Variants in XRN1 observed in about 807,000 individuals in gnomAD.
XRN1 encodes the protein strand-exchange protein 1 homolog.
A neutral mutation model predicts 222.3 loss-of-function variants in XRN1; 67 were observed. The ratio of observed to expected loss-of-function variants is 0.30; its 90% CI spans 0.25 to 0.37. XRN1 has a LOEUF of 0.37. Among genes scored for constraint, XRN1 ranks in the 10% least tolerant of loss-of-function variants. The pLI, the probability that XRN1 is intolerant of heterozygous loss-of-function variation, is 1.00. For missense variants in XRN1, 1,707 were observed against 2,000.2 expected, an observed-to-expected ratio of 0.85 and a Z score of 2.80; for synonymous variants, 643 against 652.4, an observed-to-expected ratio of 0.99 and a Z score of 0.22.
intron 25 of XRN1, 71 bp downstream of exon 25, chr3:142,375,727 T>C (rs2067122560): frequency 6.4e-6 from 9 of 1,416,562 alleles, no homozygotes; most frequent in Admixed American, 2.7e-5. Context: ...AAAACTAATA[T>C]CAGGAAGGCA....
intron 10 of XRN1, among the ~76,000 whole-genome samples, chr3:142,419,569 G>C (rs1432978699): frequency 6.6e-6 from 1 of 152,180 alleles, no homozygotes; most frequent in Non-Finnish European, 1.5e-5. Flanking sequence ...CAGGACTTAA[G>C]GGAGGCCAAG....
At chr3:142,330,566 GT>G (rs1167823214) in intron 36 of XRN1, among the ~76,000 whole-genome samples, 1 of 150,712 alleles carries the variant, frequency 6.6e-6, no homozygotes, top group Non-Finnish European at 1.5e-5. Flanking sequence ...TTCTGAGCTA[GT>G]GACCCTAAGA....
intron 1 of XRN1, among the ~76,000 whole-genome samples, chr3:142,444,172 C>T (rs1027116965): frequency 1.3e-5 from 2 of 152,146 alleles, no homozygotes; most frequent in East Asian, 1.9e-4. Flanking sequence ...AGTCTGGGCA[C>T]GGGGGCTCAC....
intron 15 of XRN1, among the ~76,000 whole-genome samples, chr3:142,410,052 G>A (rs1290111173): frequency 6.6e-6 from 1 of 152,094 alleles, no homozygotes; most frequent in Non-Finnish European, 1.5e-5. Context: ...AGATTTCTTA[G>A]AATTTTTACA....
At chr3:142,317,687 A>C (rs1485986270) in intron 39 of XRN1, among the ~76,000 whole-genome samples, 1 of 152,110 alleles carries the variant, frequency 6.6e-6, no homozygotes, top group Non-Finnish European at 1.5e-5. Flanking sequence ...TTGCACATAG[A>C]CTTTCAACCA....
intron 25 of XRN1, among the ~76,000 whole-genome samples, chr3:142,375,076 C>G (rs2067101362): frequency 1.3e-5 from 2 of 152,152 alleles, no homozygotes; most frequent in Non-Finnish European, 2.9e-5. Flanking sequence ...TCCCTAGTGC[C>G]TTCAGAGGGA....
At position 142,333,002 on chromosome 3, in the gene XRN1, T is replaced by C; in HGVS notation, c.4027A>G (p.Ser1343Gly). ...VQSSHHGEPP[S>G]EEHLSPQSFA... ...GACTGTGGTGACAAATGCTCTTCAC[T>C]TGGAGGCTCCCCATGATGAGATGAC... is the stretch of plus-strand genomic sequence containing the variant. The change falls in exon 35 of 41, where the codon AGT becomes GGT. Residue 1343 changes from serine (S) to glycine (G), a missense_variant. Around this residue, in one of 2 missense-constraint regions of XRN1, gnomAD observed 473 missense variants for 482.0 expected, o/e 0.98. Coordinates refer to ENST00000392981, the MANE Select transcript of XRN1 (RefSeq NM_001282857.2). 1 of 1,613,912 alleles carries C rather than the reference T, an allele frequency of 6.2e-7. No individual in the cohort carries two copies. Among genetic ancestry groups the C allele is most frequent in the South Asian group, 1.1e-5 (1 of 91,054 alleles).
intron 30 of XRN1, 111 bp downstream of exon 30, chr3:142,359,751 T>G (rs1428876426): frequency 1.4e-6 from 1 of 711,632 alleles, no homozygotes; most frequent in Non-Finnish European, 2.3e-6. Context: ...TAGTAGCAAG[T>G]ACGTCTTACA....
intron 37 of XRN1, among the ~76,000 whole-genome samples, chr3:142,324,803 T>C (rs940565188): frequency 3.3e-5 from 5 of 152,112 alleles, no homozygotes; most frequent in African/African-American, 4.8e-5. Flanking sequence ...TGGTGTGAGA[T>C]GGTATCTCAT....
chr3:142,448,034 G>A lies in XRN1; in HGVS notation c.-90C>T. The stretch of plus-strand genomic sequence containing the variant: ...CCGCAGCCTCCGGTCGTCGCTCCGC[G>A]GATGACAACACACCGCCCGGCCGAC... On this transcript the variant is annotated 5_prime_UTR_variant, in exon 1 of 41. Coordinates refer to ENST00000392981, the MANE Select transcript of XRN1 (RefSeq NM_001282857.2). 2.2e-6 allele frequency: 3 copies of A among 1,387,408 alleles called. No homozygotes were observed. Among genetic ancestry groups the A allele is most frequent in the South Asian group, 1.2e-5 (1 of 84,398 alleles). The allele number at this position is 1,387,408 out of a possible 1,614,324, so 85.9% of individuals were successfully genotyped here.
Position 142,311,788 on chromosome 3 carries a change from T to C in XRN1, c.4808A>G (p.Lys1603Arg). The C allele has an allele frequency of 6.3e-7, 1 of 1,597,396 alleles. No individual in the cohort carries two copies. Among genetic ancestry groups the C allele is most frequent in the South Asian group, 1.1e-5 (1 of 88,998 alleles). The change falls in exon 41 of 41, where the codon AAA (lysine) becomes AGA (arginine). Residue 1603 changes from lysine to arginine, a missense_variant. Transcript: ENST00000392981. ...GGCTTCCTTATTCTCAAAGTTCTTT[T>C]TGTTTGCAACCCTTTTTTTAGTAAC... ...LQVTKKRVAN[K>R]KNFENKEAQS...
rs557498537 is a variant in XRN1, at chr3:142,311,342, C to T, written c.*169G>A. 3 of 541,424 alleles carry T rather than the reference C, an allele frequency of 5.5e-6. No homozygotes were observed. The highest frequency in any genetic ancestry group is 6.2e-5 in the East Asian group (2 of 32,214). The allele number at this position is 541,424 out of a possible 1,614,324, so 33.5% of individuals were successfully genotyped here. On this transcript the variant is annotated 3_prime_UTR_variant, in exon 41 of 41. Coordinates refer to ENST00000392981, the MANE Select transcript of XRN1 (RefSeq NM_001282857.2). ...TACTTAAAGTGCACAATTTGATACA[C>T]AGTCTTTTAAACAGCATGAAAAGTG... is the stretch of plus-strand genomic sequence containing the variant.
chr3:142,411,822 ATTTTTTTTTTTT>A (rs1291888583), intron 15 of XRN1, among the ~76,000 whole-genome samples: 2 of 138,562 alleles, frequency 1.4e-5, no homozygotes, highest in Non-Finnish European at 3.2e-5. Context: ...CTTACTGAAA[ATTTTTTTTTTTT>A]TTTTTTTGAG....
Position 142,318,889 on chromosome 3 carries a change from G to A in XRN1, c.4419C>T (p.Cys1473=), listed in dbSNP as rs2107865915. 6.2e-7 allele frequency: 1 copy of A among 1,613,338 alleles called. No individual in the cohort carries two copies. The change falls in exon 38 of 41, where the codon TGC becomes TGT. Residue 1473 remains cysteine, a synonymous_variant. Coordinates refer to ENST00000392981, the MANE Select transcript of XRN1 (RefSeq NM_001282857.2). ...GTAAGCCATTAGATAATTTTACTTGGCAAACGGTCATTGTCTAAAAAAAGA... is the reference window on the plus strand; with the variant it reads ...GTAAGCCATTAGATAATTTTACTTGACAAACGGTCATTGTCTAAAAAAAGA... ...FLRMPQTMTV[C]QVKLSNGLLV...
intron 20 of XRN1, among the ~76,000 whole-genome samples, chr3:142,391,784 T>C (rs994497305): frequency 8.3e-5 from 12 of 145,116 alleles, no homozygotes; most frequent in Admixed American, 7.6e-4. Flanking sequence ...ATGAATGAAA[T>C]AAAATTTATT....
chr3:142,337,964 A>G (rs1377661047), intron 33 of XRN1, among the ~76,000 whole-genome samples: 1 of 152,210 alleles, frequency 6.6e-6, no homozygotes, highest in East Asian at 1.9e-4. Flanking sequence ...GAAAAAAGAC[A>G]GTGGGAACTT....
intron 31 of XRN1, 34 bp from the exon 32 acceptor site, chr3:142,355,530 A>C: frequency 7.9e-7 from 1 of 1,262,836 alleles, no homozygotes; most frequent in South Asian, 1.3e-5. Flanking sequence ...TGAGAAAATG[A>C]AATAGGAAGA....
In XRN1 at chr3:142,359,938, C is replaced by T. The variant is rs760708744; in HGVS notation, c.3395-7G>A. On this transcript the variant is annotated splice_region_variant and splice_polypyrimidine_tract_variant and intron_variant, in intron 29 of 40. Transcript: ENST00000392981. ...ACATCGGCTTCTCTATTAGCTGTTACAATAGGGAGAGAAAAAGAGACACTA... is the reference window on the plus strand; with the variant it reads ...ACATCGGCTTCTCTATTAGCTGTTATAATAGGGAGAGAAAAAGAGACACTA... 6.4e-7 allele frequency: 1 copy of T among 1,570,250 alleles called. No homozygotes were observed. The highest frequency in any genetic ancestry group is 1.4e-5 in the African/African-American group (1 of 73,012).
At chr3:142,330,453 C>T (rs1195681322) in intron 36 of XRN1, among the ~76,000 whole-genome samples, 3 of 152,152 alleles carry the variant, frequency 2.0e-5, no homozygotes, top group Non-Finnish European at 2.9e-5. Flanking sequence ...AAGCATACCT[C>T]ATTGAAGAAT....
Sources: gnomAD v4.1 joint callset for allele counts (sites outside exome capture counted in the v4.1 genomes callset) on GRCh38, gnomAD v4.1.1 for gene constraint, gnomAD v4.1.1 regional missense constraint, MANE v1.5 for transcripts, NCBI Gene and HGNC (gene_info 2026-07-23, HGNC 2026-07-21) for gene names.